PPP2CB: variants seen among roughly 807,000 people sequenced by gnomAD.
PPP2CB encodes the protein serine/threonine-protein phosphatase 2A catalytic subunit beta isoform.
PPP2CB carries 18 observed loss-of-function variants against 39.1 expected under a neutral mutation model. The ratio of observed to expected loss-of-function variants is 0.46; its 90% CI spans 0.32 to 0.68. The LOEUF (loss-of-function observed/expected upper bound fraction) is 0.68, where lower values mean the gene tolerates loss of function less well. Ranked by LOEUF, PPP2CB falls within the 30% of genes least tolerant of loss-of-function variation. PPP2CB has a pLI of 0.04. For missense variants in PPP2CB, 226 were observed against 396.9 expected (o/e 0.57, Z 3.66); for synonymous variants, 129 against 133.8 (o/e 0.96, Z 0.25).
rs544249945 is a variant in PPP2CB, at chr8:30,791,496, C to A, written c.739-181G>T. ...TACCTGTAAAGAATACTGTGCAATT[C>A]GTGGGCCTAGGAGTCTGTTAAATGC... is the stretch of plus-strand genomic sequence containing the variant. On this transcript the variant is annotated intron_variant, in intron 5 of 6. Coordinates refer to ENST00000221138, the MANE Select transcript of PPP2CB (RefSeq NM_001009552.2). The A allele has an allele frequency of 7.6e-6, 4 of 528,698 alleles. No individual in the cohort carries two copies. The South Asian group carries it at 8.0e-5, about 11-fold the overall frequency. 32.8% of individuals were successfully genotyped at this position (528,698 alleles called of 1,614,324 possible).
chr8:30,789,497 CA>C (rs1192956784), intron 6 of PPP2CB, among the ~76,000 whole-genome samples: 1 of 152,188 alleles, frequency 6.6e-6, no homozygotes, highest in Non-Finnish European at 1.5e-5. Context: ...AGATTGCTAT[CA>C]AAGCTGAAGG....
chr8:30,799,201 T>C (rs1806576520), intron 2 of PPP2CB, among the ~76,000 whole-genome samples: 1 of 152,194 alleles, frequency 6.6e-6, no homozygotes, highest in Admixed American at 6.5e-5. Context: ...AACAATCGAA[T>C]TGTGAAGTGA....
intron 1 of PPP2CB, among the ~76,000 whole-genome samples, chr8:30,807,856 A>G (rs1806749676): frequency 6.6e-6 from 1 of 152,228 alleles, no homozygotes; most frequent in South Asian, 2.1e-4. Context: ...TTAGCTTCAA[A>G]AGCTGGATTG....
intron 1 of PPP2CB, among the ~76,000 whole-genome samples, chr8:30,812,077 C>A (rs1806841079): frequency 6.6e-6 from 1 of 152,092 alleles, no homozygotes; most frequent in South Asian, 2.1e-4. Context: ...CCCCCACGCC[C>A]GGGATCTGGG....
chr8:30,793,506 G>C (rs1281660433), intron 5 of PPP2CB: 1 of 158,594 alleles, frequency 6.3e-6, no homozygotes, highest in Non-Finnish European at 1.4e-5. Flanking sequence ...TTATGTGACA[G>C]TGTGTCCTTA....
At chr8:30,793,842 G>C in intron 5 of PPP2CB, 75 bp downstream of exon 5, 1 of 1,417,744 alleles carries the variant, frequency 7.1e-7, no homozygotes, top group Non-Finnish European at 9.4e-7. Context: ...ATGTTTCTTA[G>C]TTAAGTCATA....
chr8:30,786,431 C>T (rs1031649431), intron 6 of PPP2CB, 124 bp from the exon 7 acceptor site: 21 of 731,894 alleles, frequency 2.9e-5, no homozygotes, highest in East Asian at 5.6e-5. Flanking sequence ...ACATCACTTA[C>T]GGCTGGAATG....
In PPP2CB at chr8:30,812,454, C is replaced by G; in HGVS notation, c.-33G>C. On this transcript the variant is annotated 5_prime_UTR_variant, in exon 1 of 7. Coordinates refer to ENST00000221138, the MANE Select transcript of PPP2CB (RefSeq NM_001009552.2). ...CGATCCCGATGCGGATCCCGAGCCC[C>G]AGCCCGGCCGCCGCCCTCCCCCCTC... 6.9e-7 allele frequency: 1 copy of G among 1,449,866 alleles called. No individual in the cohort carries two copies. Among genetic ancestry groups the G allele is most frequent in the South Asian group, 1.3e-5 (1 of 76,248 alleles). The allele number at this position is 1,449,866 out of a possible 1,614,324, so 89.8% of individuals were successfully genotyped here. A position where few individuals can be genotyped will look rare whatever the true frequency, so the allele number is the denominator to read the frequency against.
chr8:30,788,559 A>G (rs1806380995), intron 6 of PPP2CB, among the ~76,000 whole-genome samples: 1 of 152,168 alleles, frequency 6.6e-6, no homozygotes, highest in African/African-American at 2.4e-5. Context: ...CATGTTAATG[A>G]TTTCTAATTT....
chr8:30,801,255 G>A (rs112234468), intron 1 of PPP2CB, among the ~76,000 whole-genome samples: 7 of 150,320 alleles, frequency 4.7e-5, no homozygotes, highest in African/African-American at 1.5e-4. Flanking sequence ...AAACAGGGCC[G>A]GGCACGGTGG....
intron 3 of PPP2CB, among the ~76,000 whole-genome samples, chr8:30,794,801 A>G (rs921067582): frequency 6.6e-6 from 1 of 152,142 alleles, no homozygotes; most frequent in Non-Finnish European, 1.5e-5. Flanking sequence ...TTGCTGATAT[A>G]TACAATTTTT....
intron 1 of PPP2CB, among the ~76,000 whole-genome samples, chr8:30,806,339 C>G (rs1317609326): frequency 6.6e-6 from 1 of 151,930 alleles, no homozygotes; most frequent in Non-Finnish European, 1.5e-5. Context: ...CAGGCGCGAA[C>G]CACCATGCCC....
intron 6 of PPP2CB, among the ~76,000 whole-genome samples, chr8:30,789,700 AATG>A (rs149223680): frequency 0.026 from 3,919 of 152,274 alleles, 168 homozygotes; most frequent in African/African-American, 0.088. Context: ...TCGTTCAGTC[AATG>A]ATGAGAGGTT....
chr8:30,785,752 T>G lies in PPP2CB; in HGVS notation c.*483A>C, dbSNP rs376019677. On this transcript the variant is annotated 3_prime_UTR_variant, in exon 7 of 7. Transcript: ENST00000221138. ...AAATGAAGGGAAATCTCTTTAAATG[T>G]TATGACAACATACTCCCAAGAAGAA... 598 of 272,830 alleles carry G rather than the reference T, an allele frequency of 2.2e-3. 6 individuals are homozygous for G. The highest frequency in any genetic ancestry group is 8.7e-3 in the South Asian group (239 of 27,600). The allele number at this position is 272,830 out of a possible 1,614,324, so 16.9% of individuals were successfully genotyped here. A position where few individuals can be genotyped will look rare whatever the true frequency, so the allele number is the denominator to read the frequency against.
At chr8:30,805,298 G>A (rs1160397002) in intron 1 of PPP2CB, among the ~76,000 whole-genome samples, 1 of 152,152 alleles carries the variant, frequency 6.6e-6, no homozygotes, top group Non-Finnish European at 1.5e-5. Context: ...AGTGGCTCAC[G>A]CCTGCAATCC....
chr8:30,805,854 T>C (rs1008587370), intron 1 of PPP2CB, among the ~76,000 whole-genome samples: 1 of 152,174 alleles, frequency 6.6e-6, no homozygotes, highest in Non-Finnish European at 1.5e-5. Flanking sequence ...CACCTCAGGA[T>C]TGTCTTTTAA....
Position 30,794,261 on chromosome 8 carries a change from G to A in PPP2CB, c.507C>T (p.Gly169=), listed in dbSNP as rs200710348. 1.2e-6 allele frequency: 2 copies of A among 1,613,416 alleles called. No individual in the cohort carries two copies. The highest frequency in any genetic ancestry group is 8.5e-7 in the Non-Finnish European group (1 of 1,179,434). The part of the protein sequence containing the change: ...VDGQIFCLHG[G]LSPSIDTLDH... ...CCAGTGTGTCTATGGATGGAGAGAG[G>A]CCACCATGGAGGCAGAATATCTATG... Residue 169 remains glycine, a synonymous_variant, in exon 4 of 7, where the codon GGC becomes GGT. Transcript: ENST00000221138.
intron 3 of PPP2CB, 184 bp from the exon 4 acceptor site, chr8:30,794,465 T>C: frequency 1.9e-6 from 1 of 519,892 alleles, no homozygotes; most frequent in Admixed American, 3.7e-5. Context: ...GGACCCACCA[T>C]TAAATTTCTT....
intron 6 of PPP2CB, among the ~76,000 whole-genome samples, chr8:30,787,501 G>C (rs142289303): frequency 1.1e-3 from 167 of 152,266 alleles, no homozygotes; most frequent in African/African-American, 3.9e-3. Flanking sequence ...CACCACACCA[G>C]GTTAATTTTT....
Sources: gnomAD v4.1 joint callset for allele counts (sites outside exome capture counted in the v4.1 genomes callset) on GRCh38, gnomAD v4.1.1 for gene constraint, MANE v1.5 for transcripts, NCBI Gene and HGNC (gene_info 2026-07-23, HGNC 2026-07-21) for gene names.